SNRNP70: variants seen among roughly 807,000 people sequenced by gnomAD.
SNRNP70 encodes the protein small nuclear ribonucleoprotein U1 subunit 70, also known as U1 small nuclear ribonucleoprotein 70 kDa.
Under a neutral mutation model 50.5 loss-of-function variants are expected in SNRNP70, and 8 were observed. That is an observed-to-expected ratio of 0.16 (90% CI 0.09 to 0.29). SNRNP70 has a LOEUF of 0.29. Among genes scored for constraint, SNRNP70 ranks in the 10% least tolerant of loss-of-function variants. The pLI is 1.00. For synonymous variants in SNRNP70, 320 were observed against 252.9 expected (o/e 1.27, Z -2.52); for missense variants, 529 against 663.5 (o/e 0.80, Z 2.23).
In SNRNP70 at chr19:49,108,017, G is replaced by T. The variant is rs1225992239; in HGVS notation, c.888G>T (p.Arg296=). 1 of 1,548,244 alleles carries T rather than the reference G, an allele frequency of 6.5e-7. No individual in the cohort carries two copies. Among genetic ancestry groups the T allele is most frequent in the Non-Finnish European group, 8.7e-7 (1 of 1,146,478 alleles). ...RDRKRRSSRS[R]ERARRERERK... ...GGAAGCGGCGAAGCAGCCGGAGTCG[G>T]GAGCGGGCCCGGCGGGAGCGGGAGC... is the stretch of plus-strand genomic sequence containing the variant. Residue 296 remains arginine, a synonymous_variant, in exon 10 of 10, where the codon CGG becomes CGT. Transcript: ENST00000598441.
At chr19:49,103,423 G>A (rs1062250) in intron 7 of SNRNP70, 25,705 of 152,370 alleles carry the variant, frequency 0.17, 2,328 homozygotes, top group Non-Finnish European at 0.2. Flanking sequence ...AGCTGACCCC[G>A]TGGTGGTGGG....
intron 8 of SNRNP70, among the ~76,000 whole-genome samples, chr19:49,105,887 C>G (rs1600293288): frequency 6.6e-6 from 1 of 152,378 alleles, no homozygotes; most frequent in African/African-American, 2.4e-5. Flanking sequence ...CAGCTTTACA[C>G]TCAGTCCTGG....
At chr19:49,090,445 A>G (rs748505286) in intron 3 of SNRNP70, 21 bp from the exon 4 acceptor site, 2 of 1,613,196 alleles carry the variant, frequency 1.2e-6, no homozygotes, top group Non-Finnish European at 1.7e-6. Context: ...TCACTTCTCC[A>G]CCTCCCCTTT....
intron 2 of SNRNP70, among the ~76,000 whole-genome samples, chr19:49,087,934 C>T (rs899030872): frequency 3.9e-5 from 6 of 152,152 alleles, no homozygotes; most frequent in African/African-American, 1.4e-4. Flanking sequence ...CAGTTTTGCT[C>T]TGTTGCCCAG....
intron 4 of SNRNP70, among the ~76,000 whole-genome samples, chr19:49,091,687 C>G (rs1266742756): frequency 2.6e-5 from 4 of 152,214 alleles, no homozygotes; most frequent in Admixed American, 2.6e-4. Flanking sequence ...TCCTCCAAAT[C>G]CTGGAGTGCA....
chr19:49,106,666 A>C (rs906170569), intron 8 of SNRNP70, among the ~76,000 whole-genome samples: 4 of 152,226 alleles, frequency 2.6e-5, no homozygotes. Context: ...CAGGTTTTGC[A>C]GCAGACGGCA....
At chr19:49,095,624 G>A (rs1317984130) in intron 4 of SNRNP70, among the ~76,000 whole-genome samples, 1 of 146,920 alleles carries the variant, frequency 6.8e-6, no homozygotes, top group Non-Finnish European at 1.5e-5. Flanking sequence ...AACCTTCATC[G>A]CCTCCCTGGT....
intron 4 of SNRNP70, among the ~76,000 whole-genome samples, chr19:49,098,114 G>A (rs974804795): frequency 2.6e-5 from 4 of 152,206 alleles, no homozygotes; most frequent in African/African-American, 9.7e-5. Context: ...GGAGCGATAG[G>A]GCCCTTAGGG....
In SNRNP70 at chr19:49,101,602, T is replaced by C. The variant is rs1200884565; in HGVS notation, c.475+131T>C. 3 of 639,320 alleles carry C rather than the reference T, an allele frequency of 4.7e-6. No homozygotes were observed. The African/African-American group carries it at 5.6e-5, about 12-fold the overall frequency. The allele number at this position is 639,320 out of a possible 1,614,324, so 39.6% of individuals were successfully genotyped here. On this transcript the variant is annotated intron_variant, in intron 7 of 9. Transcript: ENST00000598441. ...GCGATGTCTCTTCTCCTCCTCCCTC[T>C]GTTTCTGATGTATCTTTTTTTTTTT...
chr19:49,086,671 C>A, intron 2 of SNRNP70, 110 bp downstream of exon 2: 1 of 1,015,830 alleles, frequency 9.8e-7, no homozygotes, highest in Non-Finnish European at 1.5e-6. Context: ...AAGCGAGGGG[C>A]TTAACCTTTG....
At chr19:49,088,594 T>A (rs886842110) in intron 2 of SNRNP70, among the ~76,000 whole-genome samples, 3 of 151,044 alleles carry the variant, frequency 2.0e-5, no homozygotes, top group African/African-American at 7.3e-5. Flanking sequence ...CCTCCCGGGT[T>A]CAAAGGATTC....
chr19:49,104,518 T>C lies in SNRNP70; in HGVS notation c.476-116T>C. On this transcript the variant is annotated intron_variant, in intron 7 of 9. Coordinates refer to ENST00000598441, the MANE Select transcript of SNRNP70 (RefSeq NM_003089.6). The surrounding 1 kb of genome is among the most constrained non-coding windows in gnomAD (Gnocchi z 5.4). ...CAGTTGCCTGGCTGTCTGTTGGGCG[T>C]GTGCGTGTGCGTGATGATGGGGACA... 1 of 768,118 alleles carries C rather than the reference T, an allele frequency of 1.3e-6. No individual in the cohort carries two copies. The highest frequency in any genetic ancestry group is 1.5e-5 in the South Asian group (1 of 66,556). 47.6% of individuals were successfully genotyped at this position (768,118 alleles called of 1,614,324 possible). A position where few individuals can be genotyped will look rare whatever the true frequency, so the allele number is the denominator to read the frequency against.
intron 6 of SNRNP70, 69 bp from the exon 7 acceptor site, chr19:49,101,321 C>A: frequency 8.8e-7 from 1 of 1,142,298 alleles, no homozygotes; most frequent in South Asian, 1.2e-5. Context: ...GGTGTGCAGG[C>A]TGTTGTGGGG....
chr19:49,100,868 C>T (rs931376937), intron 6 of SNRNP70, among the ~76,000 whole-genome samples: 4 of 152,060 alleles, frequency 2.6e-5, no homozygotes, highest in African/African-American at 4.8e-5. Context: ...CTCCTGTTTC[C>T]CTAATTCCAT....
At chr19:49,096,436 G>A (rs897770487) in intron 4 of SNRNP70, among the ~76,000 whole-genome samples, 1 of 152,122 alleles carries the variant, frequency 6.6e-6, no homozygotes, top group South Asian at 2.1e-4. Flanking sequence ...CCCAGATAGC[G>A]ATTCCCTTAA....
At chr19:49,086,098 C>G (rs1448521505) in intron 1 of SNRNP70, among the ~76,000 whole-genome samples, 1 of 152,202 alleles carries the variant, frequency 6.6e-6, no homozygotes, top group African/African-American at 2.4e-5. Context: ...TCCTCGGGTC[C>G]TTGATTTCCC....
chr19:49,104,569 G>T lies in SNRNP70; in HGVS notation c.476-65G>T. 3.2e-6 allele frequency: 4 copies of T among 1,232,574 alleles called. No individual in the cohort carries two copies. The highest frequency in any genetic ancestry group is 4.7e-6 in the Non-Finnish European group (4 of 858,556). 76.4% of individuals were successfully genotyped at this position (1,232,574 alleles called of 1,614,324 possible). Reference sequence around the variant, plus strand: ...CGGGGCGGGGATTCTGTAGAGCTGGGCCTGTCCTGACTAGAGGACCCTCTG... The same window carrying T: ...CGGGGCGGGGATTCTGTAGAGCTGGTCCTGTCCTGACTAGAGGACCCTCTG... On this transcript the variant is annotated intron_variant, in intron 7 of 9. Coordinates refer to ENST00000598441, the MANE Select transcript of SNRNP70 (RefSeq NM_003089.6). The surrounding 1 kb of genome is among the most constrained non-coding windows in gnomAD (Gnocchi z 5.4).
Position 49,101,436 on chromosome 19 carries a change from C to T in SNRNP70, c.440C>T (p.Ala147Val), listed in dbSNP as rs2040584534. The T allele has an allele frequency of 6.2e-7, 1 of 1,613,818 alleles. No homozygotes were observed. The highest frequency in any genetic ancestry group is 1.3e-5 in the African/African-American group (1 of 74,928). Reference protein sequence around the residue: ...SKRSGKPRGYAFIEYEHERDM... With the variant: ...SKRSGKPRGYVFIEYEHERDM... ...CGGTCAGGAAAGCCCCGTGGCTATG[C>T]CTTCATCGAGTACGAACACGAGCGA... The change falls in exon 7 of 10, where the codon GCC becomes GTC. Residue 147 changes from alanine to valine, a missense_variant. Transcript: ENST00000598441.
chr19:49,108,026 C>T lies in SNRNP70; in HGVS notation c.897C>T (p.Ala299=). ...KRRSSRSRER[A]RRERERKEEL... is the part of the protein sequence containing the mutation. ...GAAGCAGCCGGAGTCGGGAGCGGGC[C>T]CGGCGGGAGCGGGAGCGCAAGGAGG... The change falls in exon 10 of 10, where the codon GCC becomes GCT. Residue 299 remains alanine (A), a synonymous_variant. Coordinates refer to ENST00000598441, the MANE Select transcript of SNRNP70 (RefSeq NM_003089.6). 6.5e-7 allele frequency: 1 copy of T among 1,547,888 alleles called. No individual in the cohort carries two copies.
Sources: allele counts gnomAD v4.1 joint callset (sites outside exome capture counted in the v4.1 genomes callset), GRCh38; gene constraint gnomAD v4.1.1; non-coding constraint Gnocchi (gnomAD v3.1); transcripts MANE v1.5; gene names NCBI Gene and HGNC (gene_info 2026-07-23, HGNC 2026-07-21).